Variants in WWOX observed in about 807,000 individuals in gnomAD.
WWOX encodes the protein WW domain containing oxidoreductase.
WWOX carries 69 observed loss-of-function variants against 46.2 expected under a neutral mutation model. The observed-to-expected ratio is 1.49, with a 90% CI of 1.23 to 1.82. The LOEUF (loss-of-function observed/expected upper bound fraction) is 1.82. WWOX is among the 40% of genes most tolerant of loss of function. The probability of loss-of-function intolerance (pLI) is 0.00; values close to 1 mark genes in which losing one functional copy is unlikely to be tolerated. For synonymous variants in WWOX, 359 were observed against 202.6 expected, an observed-to-expected ratio of 1.77 and a Z score of -6.56; for missense variants, 919 against 542.6, an observed-to-expected ratio of 1.69 and a Z score of -6.89.
intron 5 of WWOX, among the ~76,000 whole-genome samples, chr16:78,192,836 C>G (rs545258104): frequency 6.6e-6 from 1 of 152,216 alleles, no homozygotes; most frequent in African/African-American, 2.4e-5. Context: ...TTAAGTGAAA[C>G]ATAAAGCTAT....
At chr16:79,139,933 T>A (rs542032752) in intron 8 of WWOX, among the ~76,000 whole-genome samples, 1 of 152,240 alleles carries the variant, frequency 6.6e-6, no homozygotes, top group Non-Finnish European at 1.5e-5. Context: ...ATTCTCCAAA[T>A]ACGGACTTGT....
intron 8 of WWOX, among the ~76,000 whole-genome samples, chr16:78,689,914 G>A (rs1159645121): frequency 2.0e-5 from 3 of 152,024 alleles, no homozygotes; most frequent in Non-Finnish European, 4.4e-5. Context: ...AGGCTGCAGT[G>A]CAGTGATGCA....
At chr16:79,029,849 C>T (rs1031409046) in intron 8 of WWOX, among the ~76,000 whole-genome samples, 1 of 152,124 alleles carries the variant, frequency 6.6e-6, no homozygotes, top group Admixed American at 6.6e-5. Context: ...TTACTGTCTT[C>T]AAACTTCAAC....
At chr16:78,898,964 C>T (rs1011994449) in intron 8 of WWOX, 2 of 152,040 alleles carry the variant, frequency 1.3e-5, no homozygotes, top group African/African-American at 2.4e-5. Context: ...GCTCTCATAT[C>T]CTGTGATCTT....
At chr16:78,725,765 C>A (rs1365647952) in intron 8 of WWOX, among the ~76,000 whole-genome samples, 1 of 152,042 alleles carries the variant, frequency 6.6e-6, no homozygotes, top group East Asian at 1.9e-4. Context: ...TTTCTGAAGG[C>A]TCCAGGGATG....
At chr16:78,580,815 G>A (rs974563145) in intron 8 of WWOX, among the ~76,000 whole-genome samples, 7 of 152,184 alleles carry the variant, frequency 4.6e-5, no homozygotes, top group Non-Finnish European at 1.0e-4. Context: ...GCCTTCATTA[G>A]AATGAATTCT....
intron 6 of WWOX, among the ~76,000 whole-genome samples, chr16:78,398,923 G>A (rs143394895): frequency 6.6e-6 from 1 of 152,286 alleles, no homozygotes; most frequent in African/African-American, 2.4e-5. Flanking sequence ...TACATTTACT[G>A]CCTTCTAGTA....
intron 8 of WWOX, among the ~76,000 whole-genome samples, chr16:78,740,692 C>CA (rs2049199886): frequency 6.6e-6 from 1 of 152,018 alleles, no homozygotes; most frequent in African/African-American, 2.4e-5. Context: ...GCCAGTTGGC[C>CA]GATTGAAGCG....
At chr16:78,601,952 T>G (rs1033825037) in intron 8 of WWOX, among the ~76,000 whole-genome samples, 1 of 152,222 alleles carries the variant, frequency 6.6e-6, no homozygotes, top group Non-Finnish European at 1.5e-5. Flanking sequence ...CATTTTGCTT[T>G]GGTAATAGTG....
chr16:78,330,586 G>A (rs2080732193), intron 5 of WWOX, among the ~76,000 whole-genome samples: 1 of 152,134 alleles, frequency 6.6e-6, no homozygotes, highest in Admixed American at 6.5e-5. Flanking sequence ...TAGTGGAGAC[G>A]AGGTTTCACC....
At chr16:79,031,627 T>A (rs930372299) in intron 8 of WWOX, among the ~76,000 whole-genome samples, 3 of 151,670 alleles carry the variant, frequency 2.0e-5, no homozygotes, top group African/African-American at 4.8e-5. Context: ...ATTTTTAAAA[T>A]TGAGGTAAAT....
At chr16:78,618,391 C>T (rs977590120) in intron 8 of WWOX, among the ~76,000 whole-genome samples, 29 of 152,178 alleles carry the variant, frequency 1.9e-4, no homozygotes, top group African/African-American at 6.8e-4. Flanking sequence ...GGGTTGGTTT[C>T]TCTCTGTACC....
intron 6 of WWOX, among the ~76,000 whole-genome samples, chr16:78,420,078 C>T (rs2082886738): frequency 6.6e-6 from 1 of 152,120 alleles, no homozygotes; most frequent in South Asian, 2.1e-4. Context: ...TGAGATTCCA[C>T]TTATTGCTAG....
chr16:78,884,254 C>G (rs951177527), intron 8 of WWOX, among the ~76,000 whole-genome samples: 1 of 112,896 alleles, frequency 8.9e-6, no homozygotes, highest in African/African-American at 3.5e-5. Context: ...GCTTGGGTGA[C>G]AGAGTGAGAC....
chr16:79,106,721 C>T (rs1215914522), intron 8 of WWOX: 1 of 148,672 alleles, frequency 6.7e-6, no homozygotes, highest in East Asian at 2.0e-4. Context: ...CTGCCTCAAG[C>T]AACTCTCCAG....
At position 78,432,553 on chromosome 16, in the gene WWOX, A is replaced by G; in HGVS notation, c.857A>G (p.Asp286Gly). 6.2e-7 allele frequency: 1 copy of G among 1,614,146 alleles called. No individual in the cohort carries two copies. Among genetic ancestry groups the G allele is most frequent in the East Asian group, 2.2e-5 (1 of 44,874 alleles). The change falls in exon 8 of 9, where the codon GAC becomes GGC. Residue 286 changes from aspartate (D) to glycine (G), a missense_variant. Transcript: ENST00000566780. ...DFSRLSPTKN[D>G]YWAMLAYNRS... ...AGTCGCCTCTCTCCAACAAAAAACG[A>G]CTATTGGGCGATGCTGGCTTATAAC...
rs367585648 is a variant in WWOX at position 78,847,473 on chromosome 16, A to G, written c.1057-364135A>G. ...TACCTAATTCCAATCCAACACAACA[A>G]CTGGGTTTTTTCAAACTTGTTTCTT... On this transcript the variant is annotated intron_variant, in intron 8 of 8. Transcript: ENST00000566780. Among the ~76,000 whole-genome samples, 5 of 152,280 alleles carry G rather than the reference A, an allele frequency of 3.3e-5. No individual in the cohort carries two copies. The South Asian group carries it at 1.0e-3, about 32-fold the overall frequency.
chr16:78,117,189 A>G (rs929082781), intron 4 of WWOX, among the ~76,000 whole-genome samples: 2 of 152,090 alleles, frequency 1.3e-5, no homozygotes, highest in Non-Finnish European at 2.9e-5. Flanking sequence ...CCTGATACCT[A>G]TAATTCATTT....
rs760272326 is a variant in WWOX, at chr16:78,934,508, CAAAAAAA to C, written c.1057-277083_1057-277077del. Among the ~76,000 whole-genome samples the C allele has an allele frequency of 5.0e-4, 37 of 73,922 alleles. No individual in the cohort carries two copies. The East Asian group carries it at 0.015, about 30-fold the overall frequency. 48.5% of individuals were successfully genotyped at this position (73,922 alleles called of 152,430 possible). A position where few individuals can be genotyped will look rare whatever the true frequency, so the allele number is the denominator to read the frequency against. ...TGGGCAACAGTGCGAAACCCTGTAT[CAAAAAAA>C]AAAAAAAAAAAAAAAAGAAACACAA... On this transcript the variant is annotated intron_variant, in intron 8 of 8. Transcript: ENST00000566780.
Sources: gnomAD v4.1 joint callset for allele counts (sites outside exome capture counted in the v4.1 genomes callset) on GRCh38, gnomAD v4.1.1 for gene constraint, MANE v1.5 for transcripts, NCBI Gene and HGNC (gene_info 2026-07-23, HGNC 2026-07-21) for gene names.